Variants in CAPZB observed in about 807,000 individuals in gnomAD.
CAPZB encodes capping actin protein of muscle Z-line subunit beta.
CAPZB carries 2 observed loss-of-function variants against 38.1 expected under a neutral mutation model. The ratio of observed to expected loss-of-function variants is 0.05; its 90% CI spans 0.02 to 0.17. The LOEUF is 0.17. Ranked by LOEUF, CAPZB falls within the 10% of genes least tolerant of loss-of-function variation. The probability of loss-of-function intolerance (pLI) is 1.00; values close to 1 mark genes in which losing one functional copy is unlikely to be tolerated. For synonymous variants in CAPZB, 107 were observed against 127.4 expected (o/e 0.84, Z 1.08); for missense variants, 161 against 334.2 (o/e 0.48, Z 4.04).
At chr1:19,340,843 AAC>A (rs1247164880) in intron 8 of CAPZB, among the ~76,000 whole-genome samples, 1 of 152,182 alleles carries the variant, frequency 6.6e-6, no homozygotes, top group Non-Finnish European at 1.5e-5. Context: ...TAGGTTTTAT[AAC>A]AGTTTAGAAG....
At chr1:19,420,294 C>T (rs185359008) in intron 1 of CAPZB, 1 of 152,632 alleles carries the variant, frequency 6.6e-6, no homozygotes, top group Non-Finnish European at 1.5e-5. Flanking sequence ...ACCTGAACCA[C>T]ACTACAGTCA....
chr1:19,467,051 A>G (rs2094571328), intron 1 of CAPZB, among the ~76,000 whole-genome samples: 1 of 147,828 alleles, frequency 6.8e-6, no homozygotes, highest in Non-Finnish European at 1.5e-5. Context: ...GCACCATCAC[A>G]CCCAGCTTTT....
intron 8 of CAPZB, among the ~76,000 whole-genome samples, chr1:19,343,236 G>A (rs146734760): frequency 8.5e-5 from 13 of 152,346 alleles, no homozygotes; most frequent in African/African-American, 3.1e-4. Context: ...AGGTCACGAA[G>A]ACCAAGCCTC....
intron 1 of CAPZB, among the ~76,000 whole-genome samples, chr1:19,475,534 C>G (rs555313085): frequency 2.0e-5 from 3 of 152,240 alleles, no homozygotes; most frequent in Non-Finnish European, 4.4e-5. Flanking sequence ...GCAGCAGAAC[C>G]GCTCAAGAGA....
intron 4 of CAPZB, among the ~76,000 whole-genome samples, chr1:19,365,485 C>T (rs1284363035): frequency 2.6e-5 from 4 of 152,108 alleles, no homozygotes; most frequent in African/African-American, 4.8e-5. Flanking sequence ...GATGGTCCAC[C>T]AGGAAGGAGG....
Position 19,356,648 on chromosome 1 carries a change from C to T in CAPZB, c.575G>A (p.Ser192Asn). 1 of 1,613,156 alleles carries T rather than the reference C, an allele frequency of 6.2e-7. No homozygotes were observed. The highest frequency in any genetic ancestry group is 8.5e-7 in the Non-Finnish European group (1 of 1,179,096). Residue 192 changes from serine to asparagine, a missense_variant, in exon 6 of 9, where the codon AGC becomes AAC. Coordinates refer to ENST00000264202, the MANE Select transcript of CAPZB (RefSeq NM_004930.5). This position sits in a 1 kb window ranked among gnomAD's most constrained non-coding sequence, Gnocchi z 4.3. The stretch of plus-strand genomic sequence containing the variant: ...GGGTAACTCTACCTGTCTGGTAAGG[C>T]TGCCTCCGAGGTTCATGGTGCCAGA... ...SGSGTMNLGG[S>N]LTRQMEKDET...
At chr1:19,385,933 G>C in intron 2 of CAPZB, 3 of 448,824 alleles carry the variant, frequency 6.7e-6, no homozygotes, top group Non-Finnish European at 8.6e-6. Flanking sequence ...GTGTGTATGT[G>C]CTTGGTATTG....
intron 2 of CAPZB, among the ~76,000 whole-genome samples, chr1:19,402,390 G>A (rs1326976358): frequency 2.0e-5 from 3 of 152,174 alleles, no homozygotes; most frequent in Non-Finnish European, 4.4e-5. Flanking sequence ...TCTCAGTTAC[G>A]ATCTTAAAAT....
intron 6 of CAPZB, among the ~76,000 whole-genome samples, chr1:19,354,063 C>T (rs2094006868): frequency 6.6e-6 from 1 of 152,198 alleles, no homozygotes; most frequent in Non-Finnish European, 1.5e-5. Flanking sequence ...ACAGTTGTGG[C>T]ATGGTAGAAA....
At chr1:19,405,860 T>A (rs113042236) in intron 2 of CAPZB, among the ~76,000 whole-genome samples, 6,710 of 152,298 alleles carry the variant, frequency 0.044, 210 homozygotes, top group Middle Eastern at 0.075. Context: ...TTCAATTACA[T>A]AAAAGGCAAT....
intron 1 of CAPZB, among the ~76,000 whole-genome samples, chr1:19,456,216 A>G (rs2094532666): frequency 6.6e-6 from 1 of 152,198 alleles, no homozygotes; most frequent in South Asian, 2.1e-4. Flanking sequence ...CCGGTCCACA[A>G]GGCTCATAAT....
intron 8 of CAPZB, among the ~76,000 whole-genome samples, chr1:19,339,834 T>G (rs12128226): frequency 0.014 from 2,163 of 152,216 alleles, 35 homozygotes; most frequent in Non-Finnish European, 0.026. Context: ...CCAGGCCCTG[T>G]GGGGGTGGCA....
At chr1:19,342,682 C>G (rs2093936879) in intron 8 of CAPZB, 1 of 959,070 alleles carries the variant, frequency 1.0e-6, no homozygotes, top group South Asian at 1.3e-5. Context: ...GCAGCCGGAC[C>G]GGCAGGGTCT....
chr1:19,369,138 T>C (rs1178738774), intron 4 of CAPZB, among the ~76,000 whole-genome samples: 2 of 152,250 alleles, frequency 1.3e-5, no homozygotes, highest in Admixed American at 6.5e-5. Flanking sequence ...TTTAACTTTC[T>C]TTCAGCAGAT....
At position 19,404,105 on chromosome 1, in the gene CAPZB, C is replaced by G. The variant is rs565021107; in HGVS notation, c.93+15556G>C. ...AAAATTAGCTGGCTATAGTGGTACA[C>G]ACCTGTAGTCCCAGCTACTCGGGAG... On this transcript the variant is annotated intron_variant, in intron 2 of 8. Transcript: ENST00000264202. Among the ~76,000 whole-genome samples the G allele has an allele frequency of 2.0e-5, 3 of 151,826 alleles. No individual in the cohort carries two copies. The East Asian group carries it at 5.8e-4, about 29-fold the overall frequency.
chr1:19,461,192 G>A (rs4912098), intron 1 of CAPZB, among the ~76,000 whole-genome samples: 36,924 of 152,024 alleles, frequency 0.24, 4,701 homozygotes, highest in Non-Finnish European at 0.27. Flanking sequence ...CTTCATATGG[G>A]CTTAGAGAGG....
At chr1:19,428,704 T>C (rs887231295) in intron 1 of CAPZB, among the ~76,000 whole-genome samples, 8 of 152,126 alleles carry the variant, frequency 5.3e-5, no homozygotes, top group African/African-American at 1.9e-4. Context: ...AATCCGCACC[T>C]AAACCTGGAT....
rs1287983030 is a variant in CAPZB, at chr1:19,485,488, C to G, written c.-50G>C. 2.4e-6 allele frequency: 3 copies of G among 1,228,150 alleles called. No individual in the cohort carries two copies. Among genetic ancestry groups the G allele is most frequent in the African/African-American group, 1.6e-5 (1 of 64,100 alleles). 76.1% of individuals were successfully genotyped at this position (1,228,150 alleles called of 1,614,324 possible). A position where few individuals can be genotyped will look rare whatever the true frequency, so the allele number is the denominator to read the frequency against. On this transcript the variant is annotated 5_prime_UTR_variant, in exon 1 of 9. Transcript: ENST00000264202. The stretch of plus-strand genomic sequence containing the variant: ...GGTCCCGGCGTCAGTGGCTCTCCCC[C>G]CCGCAGCAGGGCCCGGCGCTTCCAC...
chr1:19,341,058 C>T (rs2268809), intron 8 of CAPZB, among the ~76,000 whole-genome samples: 39,809 of 152,136 alleles, frequency 0.26, 5,288 homozygotes, highest in Non-Finnish European at 0.27. Context: ...TACCGAATCC[C>T]TACAAGTCAC....
Sources: allele counts gnomAD v4.1 joint callset (sites outside exome capture counted in the v4.1 genomes callset), GRCh38; gene constraint gnomAD v4.1.1; non-coding constraint Gnocchi (gnomAD v3.1); transcripts MANE v1.5; gene names NCBI Gene and HGNC (gene_info 2026-07-23, HGNC 2026-07-21).